Variants in SLC44A1 observed in about 807,000 individuals in gnomAD.
SLC44A1 encodes the protein choline transporter-like protein 1.
In SLC44A1, 26 loss-of-function variants were observed where a neutral mutation model predicts 79.3. That is an observed-to-expected ratio of 0.33 (90% CI 0.24 to 0.46). The LOEUF is 0.46. Ranked by LOEUF, SLC44A1 falls within the 20% of genes least tolerant of loss-of-function variation. The pLI, the probability that SLC44A1 is intolerant of heterozygous loss-of-function variation, is 1.00. For missense variants in SLC44A1, 688 were observed against 798.1 expected (o/e 0.86, Z 1.66); for synonymous variants, 263 against 286.2 (o/e 0.92, Z 0.82).
At chr9:105,424,883 G>A (rs1358891978) in intron 15 of SLC44A1, among the ~76,000 whole-genome samples, 1 of 150,854 alleles carries the variant, frequency 6.6e-6, no homozygotes, top group African/African-American at 2.5e-5. Flanking sequence ...AGAGGTGGAG[G>A]TTGCAGTGAG....
chr9:105,372,856 A>G (rs1211933022), intron 12 of SLC44A1, among the ~76,000 whole-genome samples: 1 of 148,038 alleles, frequency 6.8e-6, no homozygotes, highest in Non-Finnish European at 1.5e-5. Context: ...AGGCTGAGGC[A>G]GGAGAATGGC....
intron 1 of SLC44A1, among the ~76,000 whole-genome samples, chr9:105,269,065 G>A (rs1471137053): frequency 6.6e-6 from 1 of 152,090 alleles, no homozygotes; most frequent in Non-Finnish European, 1.5e-5. Context: ...CAGCTTTATA[G>A]ACTGTCATGA....
At chr9:105,266,462 T>C (rs1366854864) in intron 1 of SLC44A1, among the ~76,000 whole-genome samples, 1 of 152,236 alleles carries the variant, frequency 6.6e-6, no homozygotes, top group East Asian at 1.9e-4. Flanking sequence ...AGGTCTATTA[T>C]CCATTTTGCC....
At chr9:105,428,192 CT>C (rs1829347254) in intron 15 of SLC44A1, among the ~76,000 whole-genome samples, 1 of 151,978 alleles carries the variant, frequency 6.6e-6, no homozygotes, top group African/African-American at 2.4e-5. Flanking sequence ...TGATAATTCC[CT>C]TACGCCCCCA....
intron 4 of SLC44A1, among the ~76,000 whole-genome samples, chr9:105,344,952 G>A (rs976689113): frequency 6.6e-6 from 1 of 152,154 alleles, no homozygotes; most frequent in Non-Finnish European, 1.5e-5. Context: ...AAAGGACAGC[G>A]CAAGCAGAGG....
At chr9:105,429,083 G>C (rs1337642773) in intron 15 of SLC44A1, among the ~76,000 whole-genome samples, 1 of 152,162 alleles carries the variant, frequency 6.6e-6, no homozygotes, top group African/African-American at 2.4e-5. Flanking sequence ...TGAGTTACTG[G>C]GCATATGGTC....
At chr9:105,276,565 CGTGTGTGTGTGT>C (rs60259632) in intron 1 of SLC44A1, among the ~76,000 whole-genome samples, 14,515 of 118,966 alleles carry the variant, frequency 0.12, 798 homozygotes, top group African/African-American at 0.18. Context: ...GATGGGGAGC[CGTGTGTGTGTGT>C]GTGTGTGTGT....
At chr9:105,354,114 G>C (rs1051511814) in intron 5 of SLC44A1, among the ~76,000 whole-genome samples, 3 of 135,226 alleles carry the variant, frequency 2.2e-5, no homozygotes, top group Admixed American at 1.6e-4. Flanking sequence ...GCAGTGGCGC[G>C]ATCTCGGCTC....
chr9:105,283,449 C>T (rs1173552165), intron 1 of SLC44A1, among the ~76,000 whole-genome samples: 3 of 152,198 alleles, frequency 2.0e-5, no homozygotes, highest in African/African-American at 7.2e-5. Flanking sequence ...TTAGAATCCA[C>T]AAAGCTCTGG....
intron 3 of SLC44A1, among the ~76,000 whole-genome samples, chr9:105,333,559 C>A (rs575728284): frequency 6.5e-4 from 99 of 152,256 alleles, no homozygotes; most frequent in African/African-American, 2.1e-3. Context: ...CCTGTAATCC[C>A]AGCACTTTGG....
At chr9:105,398,132 T>G (rs1828910455), downstream of SLC44A1, among the ~76,000 whole-genome samples, 1 of 152,162 alleles carries the variant, frequency 6.6e-6, no homozygotes. Flanking sequence ...GTGCCCCATT[T>G]AAAGTTTAGA....
At chr9:105,281,880 T>C (rs1372160926) in intron 1 of SLC44A1, among the ~76,000 whole-genome samples, 3 of 152,222 alleles carry the variant, frequency 2.0e-5, no homozygotes, top group Admixed American at 6.5e-5. Context: ...TGTATAGTTA[T>C]TTGAAGCCTG....
chr9:105,272,921 A>G (rs1389468889), intron 1 of SLC44A1, among the ~76,000 whole-genome samples: 1 of 151,938 alleles, frequency 6.6e-6, no homozygotes, highest in Non-Finnish European at 1.5e-5. Context: ...TGCCACAGTA[A>G]GTATAATGTT....
At position 105,392,606 on chromosome 9, in the gene SLC44A1, C is replaced by G. The variant is rs1364975683; in HGVS notation, c.*3550C>G. ...CTGCTTTAGAGCAGAGTTAATACCT[C>G]TCCCTCCCTCTTCAAAACAGCTACA... is the stretch of plus-strand genomic sequence containing the variant. On this transcript the variant is annotated 3_prime_UTR_variant, in exon 16 of 16. Transcript: ENST00000374720. The G allele has an allele frequency of 2.0e-6, 2 of 985,218 alleles. No homozygotes were observed. Among genetic ancestry groups the G allele is most frequent in the Non-Finnish European group, 2.4e-6 (2 of 829,976 alleles). 61.0% of individuals were successfully genotyped at this position (985,218 alleles called of 1,614,324 possible).
intron 13 of SLC44A1, among the ~76,000 whole-genome samples, chr9:105,378,355 A>G (rs1828359080): frequency 6.6e-6 from 1 of 152,198 alleles, no homozygotes; most frequent in Non-Finnish European, 1.5e-5. Context: ...TTTTCTAACT[A>G]TGGTTATACA....
At chr9:105,290,918 CT>C (rs1226936467) in intron 1 of SLC44A1, among the ~76,000 whole-genome samples, 2 of 152,152 alleles carry the variant, frequency 1.3e-5, no homozygotes, top group Non-Finnish European at 2.9e-5. Context: ...TAAAATAATG[CT>C]TTTAGTTTTA....
chr9:105,351,711 A>G (rs549942310), intron 5 of SLC44A1, among the ~76,000 whole-genome samples: 3 of 151,866 alleles, frequency 2.0e-5, no homozygotes, highest in East Asian at 3.9e-4. Flanking sequence ...ATATTTTTCA[A>G]TGGAGGATTC....
intron 5 of SLC44A1, among the ~76,000 whole-genome samples, chr9:105,351,596 G>GAA (rs1554797148): frequency 2.1e-3 from 240 of 113,276 alleles, no homozygotes; most frequent in East Asian, 3.3e-3. Flanking sequence ...AAGAGAGAAA[G>GAA]AGAAAGAAAG....
intron 8 of SLC44A1, 95 bp downstream of exon 8, chr9:105,361,425 TA>T: frequency 8.5e-7 from 1 of 1,183,042 alleles, no homozygotes; most frequent in Non-Finnish European, 1.2e-6. Context: ...TTTGCATTCC[TA>T]ACCCTGATCT....
Sources: allele counts gnomAD v4.1 joint callset (sites outside exome capture counted in the v4.1 genomes callset), GRCh38; gene constraint gnomAD v4.1.1; transcripts MANE v1.5; gene names NCBI Gene and HGNC (gene_info 2026-07-23, HGNC 2026-07-21).